Variants in DDC observed in about 807,000 individuals in gnomAD.
DDC encodes the protein dopa decarboxylase.
A neutral mutation model predicts 60.0 loss-of-function variants in DDC; 43 were observed. The ratio of observed to expected loss-of-function variants is 0.72; its 90% CI spans 0.56 to 0.92. The LOEUF is 0.92. Ranked by LOEUF, DDC falls within the 40% of genes least tolerant of loss-of-function variation. The probability of loss-of-function intolerance (pLI) is 0.00; values close to 1 mark genes in which losing one functional copy is unlikely to be tolerated. For synonymous variants in DDC, 232 were observed against 234.6 expected, an observed-to-expected ratio of 0.99 and a Z score of 0.10; for missense variants, 573 against 620.2, an observed-to-expected ratio of 0.92 and a Z score of 0.81.
intron 6 of DDC, among the ~76,000 whole-genome samples, chr7:50,506,930 AT>A (rs757935455): frequency 6.6e-6 from 1 of 152,184 alleles, no homozygotes; most frequent in Non-Finnish European, 1.5e-5. Flanking sequence ...AAGATAAGTC[AT>A]TTAGTGGGAA....
At position 50,497,220 on chromosome 7, in the gene DDC, A is replaced by AG. The variant is rs1450595797; in HGVS notation, c.877-1804_877-1803insC. Among the ~76,000 whole-genome samples, 45 of 60,800 alleles carry AG rather than the reference A, an allele frequency of 7.4e-4. No homozygotes were observed. In the East Asian group the frequency reaches 0.011, roughly 15 times the overall value. 39.9% of individuals were successfully genotyped at this position (60,800 alleles called of 152,430 possible). On this transcript the variant is annotated intron_variant, in intron 8 of 14. Coordinates refer to ENST00000444124, the MANE Select transcript of DDC (RefSeq NM_001082971.2). ...ACGCACAGCCCTCAGCTGGGCATGGAAAGAGTCGGGAGCAATAATGCAAGA... is the reference window on the plus strand; with the variant it reads ...ACGCACAGCCCTCAGCTGGGCATGGAGAAGAGTCGGGAGCAATAATGCAAGA...
At chr7:50,547,342 C>T (rs1423281230) in intron 1 of DDC, among the ~76,000 whole-genome samples, 1 of 151,994 alleles carries the variant, frequency 6.6e-6, no homozygotes, top group Non-Finnish European at 1.5e-5. Context: ...TCCCGAGTAG[C>T]TGGGACTACA....
rs111692090 is a variant in DDC at position 50,558,805 on chromosome 7, G to C, written c.-29+6480C>G. Among the ~76,000 whole-genome samples, 463 of 152,316 alleles carry C rather than the reference G, an allele frequency of 3.0e-3. 1 individual carries two copies. The highest frequency in any genetic ancestry group is 0.01 in the African/African-American group (432 of 41,560). ...AGATGAGACCACAGGACTCTAAACAGGGCTCTCACTGGGGATGGGGAAGGT... is the reference window on the plus strand; with the variant it reads ...AGATGAGACCACAGGACTCTAAACACGGCTCTCACTGGGGATGGGGAAGGT... On this transcript the variant is annotated intron_variant, in intron 1 of 14. Transcript: ENST00000444124.
In DDC at chr7:50,464,259, GGA is replaced by G. The variant is rs1233240653; in HGVS notation, c.1243-830_1243-829del. Among the ~76,000 whole-genome samples, 13 of 152,258 alleles carry G rather than the reference GGA, an allele frequency of 8.5e-5. No homozygotes were observed. The East Asian group carries it at 2.3e-3, about 27-fold the overall frequency. On this transcript the variant is annotated intron_variant, in intron 13 of 14. Transcript: ENST00000444124. ...GAGAAGCAGGGAGGATGAGTGGGAA[GGA>G]GAGAGTTCTATCCACTGCATGGAAC...
In DDC at chr7:50,543,935, C is replaced by G; in HGVS notation, c.151G>C (p.Asp51His). 6.2e-7 allele frequency: 1 copy of G among 1,614,198 alleles called. No individual in the cohort carries two copies. ...TCGTTGATGATGTCCTCAAACGTGT[C>G]TGGCTCCTGAGGGGCAGCGGCAGGG... ...LIPAAAPQEP[D>H]TFEDIINDVE... The change falls in exon 2 of 15, where the codon GAC becomes CAC. Residue 51 changes from aspartate to histidine, a missense_variant. Asp to His is a moderately conservative substitution (Grantham distance 81). Coordinates refer to ENST00000444124, the MANE Select transcript of DDC (RefSeq NM_001082971.2).
At position 50,540,086 on chromosome 7, in the gene DDC, C is replaced by T. The variant is rs1005142161; in HGVS notation, c.202-58G>A. On this transcript the variant is annotated intron_variant, in intron 2 of 14. Transcript: ENST00000444124. ...TGAGGAAAGCCAGGCCTCAAGAGAG[C>T]GGGGGACCCAGGTACCCCCATGGCT... is the stretch of plus-strand genomic sequence containing the variant. 38 of 1,393,970 alleles carry T rather than the reference C, an allele frequency of 2.7e-5. 1 individual carries two copies. In the African/African-American group the frequency reaches 3.9e-4, roughly 14 times the overall value. 86.4% of individuals were successfully genotyped at this position (1,393,970 alleles called of 1,614,324 possible).
intron 1 of DDC, among the ~76,000 whole-genome samples, chr7:50,558,526 T>C (rs189323619): frequency 2.0e-5 from 3 of 152,304 alleles, no homozygotes; most frequent in Admixed American, 1.3e-4. Context: ...CCACATCCTA[T>C]TGTCCAAGAA....
Position 50,544,091 on chromosome 7 carries a change from C to T in DDC, c.-6G>A. 2 of 1,614,006 alleles carry T rather than the reference C, an allele frequency of 1.2e-6. No individual in the cohort carries two copies. The highest frequency in any genetic ancestry group is 1.7e-6 in the Non-Finnish European group (2 of 1,179,892). Reference sequence around the variant, plus strand: ...CGGAATTCACTTGCGTTCATGGTGTCTGGGCTCTGTCAGAGGTGAAAACTG... The same window carrying T: ...CGGAATTCACTTGCGTTCATGGTGTTTGGGCTCTGTCAGAGGTGAAAACTG... On this transcript the variant is annotated 5_prime_UTR_variant, in exon 2 of 15. Coordinates refer to ENST00000444124, the MANE Select transcript of DDC (RefSeq NM_001082971.2).
At chr7:50,519,056 C>T (rs1016654204) in intron 6 of DDC, among the ~76,000 whole-genome samples, 5 of 152,134 alleles carry the variant, frequency 3.3e-5, no homozygotes, top group African/African-American at 1.2e-4. Flanking sequence ...GATAAACAAA[C>T]AATCCCATCA....
intron 7 of DDC, among the ~76,000 whole-genome samples, chr7:50,501,229 G>A (rs759935322): frequency 1.1e-4 from 16 of 152,252 alleles, no homozygotes; most frequent in East Asian, 1.9e-4. Flanking sequence ...CCAGCTGCAC[G>A]TCCTCTCTCA....
chr7:50,559,362 C>A (rs1031314870), intron 1 of DDC, among the ~76,000 whole-genome samples: 1 of 152,186 alleles, frequency 6.6e-6, no homozygotes, highest in Non-Finnish European at 1.5e-5. Flanking sequence ...TGCCTCTGGG[C>A]TCCCTGAATG....
intron 9 of DDC, among the ~76,000 whole-genome samples, chr7:50,488,819 TC>T (rs1282191591): frequency 6.6e-6 from 1 of 152,224 alleles, no homozygotes; most frequent in Admixed American, 6.5e-5. Flanking sequence ...AACCAAAATT[TC>T]AACTTTAATT....
intron 2 of DDC, chr7:50,541,409 TGTGA>T (rs1348977983): frequency 2.0e-5 from 3 of 152,410 alleles, no homozygotes; most frequent in South Asian, 4.1e-4. Context: ...CTGCTCTGAA[TGTGA>T]GTATCTGCAC....
chr7:50,540,188 T>A, intron 2 of DDC, 160 bp from the exon 3 acceptor site: 2 of 674,176 alleles, frequency 3.0e-6, no homozygotes, highest in South Asian at 3.0e-5. Flanking sequence ...ATTACCTTCC[T>A]CCATTATTTC....
chr7:50,493,129 G>A, intron 9 of DDC: 10 of 787,588 alleles, frequency 1.3e-5, no homozygotes, highest in Non-Finnish European at 2.1e-5. Context: ...TGTAAAGAGA[G>A]CGTGGCAATG....
chr7:50,555,990 T>C (rs1337151710), intron 1 of DDC, among the ~76,000 whole-genome samples: 1 of 152,208 alleles, frequency 6.6e-6, no homozygotes, highest in Non-Finnish European at 1.5e-5. Flanking sequence ...AAACTTGTAA[T>C]ACCAGTTTCT....
At chr7:50,485,877 G>A (rs901455884) in intron 9 of DDC, among the ~76,000 whole-genome samples, 1 of 152,154 alleles carries the variant, frequency 6.6e-6, no homozygotes, top group Non-Finnish European at 1.5e-5. Flanking sequence ...CCTCGACCAA[G>A]CATGATCAGT....
rs11575444 is a variant in DDC, at chr7:50,480,940, G to A, written c.945-1077C>T. On this transcript the variant is annotated intron_variant, in intron 9 of 14. Transcript: ENST00000444124. ...ACTCTCACTGGGCTGGCCTTTGAAG[G>A]GCCTGTGCTTTACGGTAATTGCCAT... Among the ~76,000 whole-genome samples, 699 of 152,282 alleles carry A rather than the reference G, an allele frequency of 4.6e-3. 42 individuals carry two copies. In the East Asian group the frequency reaches 0.11, roughly 24 times the overall value.
intron 6 of DDC, among the ~76,000 whole-genome samples, chr7:50,524,313 GATGTT>G (rs2043980698): frequency 6.6e-6 from 1 of 152,192 alleles, no homozygotes; most frequent in Non-Finnish European, 1.5e-5. Context: ...GTAAATTATG[GATGTT>G]ATGTATTGGT....
Sources: gnomAD v4.1 joint callset for allele counts (sites outside exome capture counted in the v4.1 genomes callset) on GRCh38, gnomAD v4.1.1 for gene constraint, MANE v1.5 for transcripts, NCBI Gene and HGNC (gene_info 2026-07-23, HGNC 2026-07-21) for gene names.